CCDC18: variants seen among roughly 807,000 people sequenced by gnomAD.
The protein encoded by CCDC18 is coiled-coil domain-containing protein 18.
CCDC18 carries 157 observed loss-of-function variants against 196.0 expected under a neutral mutation model. The observed-to-expected ratio is 0.80, with a 90% CI of 0.70 to 0.91. The LOEUF (loss-of-function observed/expected upper bound fraction) is 0.91. Among genes scored for constraint, CCDC18 ranks in the 40% least tolerant of loss-of-function variants. CCDC18 has a pLI of 0.00. For missense variants in CCDC18, 1,465 were observed against 1,611.6 expected (o/e 0.91, Z 1.56); for synonymous variants, 482 against 529.2 (o/e 0.91, Z 1.22).
chr1:93,213,118 T>G (rs1228303914), intron 11 of CCDC18, among the ~76,000 whole-genome samples: 1 of 152,092 alleles, frequency 6.6e-6, no homozygotes, highest in Admixed American at 6.5e-5. Flanking sequence ...ATGCGAGCGA[T>G]TGGGAGTGGG....
In CCDC18 at chr1:93,212,273, G is replaced by T; in HGVS notation, c.1495+12G>T. 2.1e-6 allele frequency: 3 copies of T among 1,458,756 alleles called. No individual in the cohort carries two copies. The South Asian group carries it at 4.3e-5, about 21-fold the overall frequency. 90.4% of individuals were successfully genotyped at this position (1,458,756 alleles called of 1,614,324 possible). ...TGGTCATCAAGTAGGTAAGTATATTGAGTTATTTTAATAAATTATATTCAG... is the reference window on the plus strand; with the variant it reads ...TGGTCATCAAGTAGGTAAGTATATTTAGTTATTTTAATAAATTATATTCAG... On this transcript the variant is annotated intron_variant, in intron 11 of 28. Coordinates refer to ENST00000690025, the MANE Select transcript of CCDC18 (RefSeq NM_001378204.1).
intron 7 of CCDC18, among the ~76,000 whole-genome samples, chr1:93,204,239 C>G (rs1265552126): frequency 1.3e-5 from 2 of 151,378 alleles, no homozygotes; most frequent in African/African-American, 4.9e-5. Context: ...AAGTGAGATT[C>G]TTTTTTTTAA....
At chr1:93,205,179 A>G (rs755241294) in intron 7 of CCDC18, among the ~76,000 whole-genome samples, 12 of 152,124 alleles carry the variant, frequency 7.9e-5, no homozygotes, top group African/African-American at 1.4e-4. Context: ...TTGTGGTTCA[A>G]ATTTCAAAAG....
At position 93,210,828 on chromosome 1, in the gene CCDC18, A is replaced by T. The variant is rs373877924; in HGVS notation, c.1236A>T (p.Lys412Asn). The T allele has an allele frequency of 3.7e-5, 60 of 1,603,860 alleles. No individual in the cohort carries two copies. The Middle Eastern group carries it at 9.9e-4, about 26-fold the overall frequency. The change falls in exon 10 of 29, where the codon AAA (lysine) becomes AAT (asparagine). Residue 412 changes from lysine to asparagine, a missense_variant. Coordinates refer to ENST00000690025, the MANE Select transcript of CCDC18 (RefSeq NM_001378204.1). ...LPLKRELFGF[K>N]SYLSKYQMSS... ...TAAAAAGAGAATTATTTGGCTTTAA[A>T]TCATATCTTTCTAAATACCAGATGA...
intron 23 of CCDC18, among the ~76,000 whole-genome samples, chr1:93,248,972 CA>C (rs71586786): frequency 0.24 from 23,409 of 95,916 alleles, 1,926 homozygotes; most frequent in African/African-American, 0.34. Flanking sequence ...AACCCTGTCT[CA>C]AAAAAAAAAA....
intron 5 of CCDC18, among the ~76,000 whole-genome samples, chr1:93,192,604 T>C (rs1652013700): frequency 6.6e-6 from 1 of 152,118 alleles, no homozygotes; most frequent in South Asian, 2.1e-4. Flanking sequence ...AGCTAAGCTT[T>C]TTATTTTTTA....
chr1:93,247,984 T>C (rs1277042023), intron 23 of CCDC18, among the ~76,000 whole-genome samples: 1 of 151,362 alleles, frequency 6.6e-6, no homozygotes, highest in Non-Finnish European at 1.5e-5. Flanking sequence ...TTGTTGTAAA[T>C]GATCTTTACT....
chr1:93,224,170 A>G (rs1402628645), intron 16 of CCDC18, among the ~76,000 whole-genome samples: 4 of 152,190 alleles, frequency 2.6e-5, no homozygotes, highest in South Asian at 2.1e-4. Flanking sequence ...GTTAAACTCT[A>G]TTAAACTCTA....
intron 21 of CCDC18, among the ~76,000 whole-genome samples, chr1:93,244,546 G>C (rs1379821157): frequency 2.6e-5 from 4 of 152,182 alleles, no homozygotes; most frequent in Admixed American, 1.3e-4. Context: ...GTGGTTGCCA[G>C]GGACTAGGGG....
intron 17 of CCDC18, among the ~76,000 whole-genome samples, chr1:93,227,413 CCA>C (rs1378803937): frequency 6.6e-6 from 1 of 151,166 alleles, no homozygotes; most frequent in Non-Finnish European, 1.5e-5. Flanking sequence ...GGCAATCCTG[CCA>C]CCTTGGCCTC....
chr1:93,180,485 A>G (rs752647522), upstream of CCDC18: 1 of 1,521,260 alleles, frequency 6.6e-7, no homozygotes, highest in South Asian at 1.2e-5. Flanking sequence ...CCCTCAGGCC[A>G]GGCGTGAGCG....
chr1:93,263,094 C>T (rs993525662), intron 26 of CCDC18, among the ~76,000 whole-genome samples: 1 of 152,106 alleles, frequency 6.6e-6, no homozygotes. Flanking sequence ...TGAGGCTGCA[C>T]AGAGCAGTGG....
chr1:93,198,078 T>C (rs912975444), intron 6 of CCDC18, among the ~76,000 whole-genome samples: 1 of 152,166 alleles, frequency 6.6e-6, no homozygotes, highest in African/African-American at 2.4e-5. Context: ...AATGGAAGTG[T>C]AAATTGGTAG....
intron 24 of CCDC18, among the ~76,000 whole-genome samples, chr1:93,255,849 T>C (rs1428832220): frequency 6.6e-6 from 1 of 152,160 alleles, no homozygotes; most frequent in Non-Finnish European, 1.5e-5. Flanking sequence ...AGAAATTTAA[T>C]TGAGTAATAT....
At chr1:93,255,975 A>G (rs1387951791) in intron 24 of CCDC18, among the ~76,000 whole-genome samples, 2 of 152,210 alleles carry the variant, frequency 1.3e-5, no homozygotes, top group Non-Finnish European at 2.9e-5. Context: ...ATACCAATAT[A>G]TTCTCTGTCT....
intron 19 of CCDC18, among the ~76,000 whole-genome samples, chr1:93,236,977 C>A (rs1270451725): frequency 1.3e-5 from 2 of 152,220 alleles, no homozygotes; most frequent in Non-Finnish European, 2.9e-5. Flanking sequence ...GAGCTGAAAG[C>A]AGTACCCAGC....
rs560762728 is a variant in CCDC18 at position 93,243,720 on chromosome 1, C to T, written c.2982-2385C>T. On this transcript the variant is annotated intron_variant, in intron 21 of 28. Coordinates refer to ENST00000690025, the MANE Select transcript of CCDC18 (RefSeq NM_001378204.1). ...TTCAAAATTCCACAAATCTCTAGGG[C>T]AGGGGCAAAATGCCACCAGTCTCTT... Among the ~76,000 whole-genome samples the T allele has an allele frequency of 6.6e-5, 10 of 152,328 alleles. No homozygotes were observed. In the South Asian group the frequency reaches 2.1e-3, roughly 32 times the overall value.
chr1:93,266,836 C>A (rs1016116695), intron 27 of CCDC18, among the ~76,000 whole-genome samples: 36 of 152,110 alleles, frequency 2.4e-4, no homozygotes, highest in Non-Finnish European at 1.6e-4. Flanking sequence ...CAGGACCAGA[C>A]AGATTCATAG....
In CCDC18 at chr1:93,180,783, C is replaced by G. The variant is rs1490072499; in HGVS notation, c.-72C>G. Reference sequence around the variant, plus strand: ...CTCCGAGTTGTGTCCGAGGCTTCCACGCGCAGGGGCCCGGGAAAGGGTCAG... The same window carrying G: ...CTCCGAGTTGTGTCCGAGGCTTCCAGGCGCAGGGGCCCGGGAAAGGGTCAG... On this transcript the variant is annotated 5_prime_UTR_variant, in exon 1 of 29. Coordinates refer to ENST00000690025, the MANE Select transcript of CCDC18 (RefSeq NM_001378204.1). 1.5e-6 allele frequency: 2 copies of G among 1,367,746 alleles called. No homozygotes were observed. Among genetic ancestry groups the G allele is most frequent in the Admixed American group, 3.8e-5 (2 of 52,586 alleles). 84.7% of individuals were successfully genotyped at this position (1,367,746 alleles called of 1,614,324 possible). A position where few individuals can be genotyped will look rare whatever the true frequency, so the allele number is the denominator to read the frequency against.
Sources: allele counts gnomAD v4.1 joint callset (sites outside exome capture counted in the v4.1 genomes callset), GRCh38; gene constraint gnomAD v4.1.1; transcripts MANE v1.5; gene names NCBI Gene and HGNC (gene_info 2026-07-23, HGNC 2026-07-21).